Variants in HSD17B4 observed in about 807,000 individuals in gnomAD.
HSD17B4 encodes the protein hydroxysteroid 17-beta dehydrogenase 4.
HSD17B4 carries 70 observed loss-of-function variants against 101.0 expected under a neutral mutation model. That is an observed-to-expected ratio of 0.69 (90% CI 0.57 to 0.85). HSD17B4 has a LOEUF of 0.85. Among genes scored for constraint, HSD17B4 ranks in the 40% least tolerant of loss-of-function variants. The pLI, the probability that HSD17B4 is intolerant of heterozygous loss-of-function variation, is 0.00. For missense variants in HSD17B4, 984 were observed against 892.4 expected, an observed-to-expected ratio of 1.10 and a Z score of -1.31; for synonymous variants, 347 against 297.1, an observed-to-expected ratio of 1.17 and a Z score of -1.73.
intron 12 of HSD17B4, among the ~76,000 whole-genome samples, chr5:119,498,417 T>A (rs1750845692): frequency 6.6e-6 from 1 of 152,212 alleles, no homozygotes; most frequent in African/African-American, 2.4e-5. Context: ...TAGTCCTTGT[T>A]TGCCAACTTC....
chr5:119,463,455 C>T (rs182164638), intron 2 of HSD17B4, among the ~76,000 whole-genome samples: 1 of 150,250 alleles, frequency 6.7e-6, no homozygotes, highest in Non-Finnish European at 1.5e-5. Flanking sequence ...AATGGCTGTA[C>T]TAATTTACAT....
At chr5:119,494,325 T>TTTCTTTCTTTCTTTC (rs1554064680) in intron 11 of HSD17B4, among the ~76,000 whole-genome samples, 2 of 111,524 alleles carry the variant, frequency 1.8e-5, no homozygotes, top group Non-Finnish European at 3.7e-5. Context: ...TCTTTCTTTC[T>TTTCTTTCTTTCTTTC]TTTCTTTCTT....
chr5:119,479,471 C>T (rs943909144), intron 8 of HSD17B4, among the ~76,000 whole-genome samples: 37 of 152,184 alleles, frequency 2.4e-4, no homozygotes, highest in African/African-American at 8.7e-4. Context: ...CAGTATGGAG[C>T]CGTTATGATA....
intron 8 of HSD17B4, among the ~76,000 whole-genome samples, chr5:119,486,606 C>G (rs1013225576): frequency 2.0e-5 from 3 of 151,986 alleles, no homozygotes; most frequent in African/African-American, 4.8e-5. Context: ...TTTTAGGGCT[C>G]TAAGATTTAT....
At chr5:119,510,082 C>T (rs1248396979) in intron 16 of HSD17B4, among the ~76,000 whole-genome samples, 1 of 152,116 alleles carries the variant, frequency 6.6e-6, no homozygotes, top group African/African-American at 2.4e-5. Flanking sequence ...AGCATAGAGA[C>T]TTGGTAATAC....
At chr5:119,531,892 GTGTT>G (rs1754146698) in intron 22 of HSD17B4, among the ~76,000 whole-genome samples, 1 of 151,996 alleles carries the variant, frequency 6.6e-6, no homozygotes. Flanking sequence ...ATGGTCAAAG[GTGTT>G]TGTTTATCTA....
At chr5:119,540,991 T>C (rs915646398) in intron 23 of HSD17B4, among the ~76,000 whole-genome samples, 1 of 152,226 alleles carries the variant, frequency 6.6e-6, no homozygotes, top group Non-Finnish European at 1.5e-5. Context: ...ATGCTCAGTG[T>C]ATGTAGGTAT....
chr5:119,507,961 T>G (rs1361605563), intron 15 of HSD17B4, among the ~76,000 whole-genome samples: 1 of 152,054 alleles, frequency 6.6e-6, no homozygotes, highest in East Asian at 1.9e-4. Flanking sequence ...GGAATATAAG[T>G]TTATCATTTT....
intron 8 of HSD17B4, among the ~76,000 whole-genome samples, chr5:119,479,836 A>T (rs1467129413): frequency 2.6e-5 from 4 of 152,204 alleles, no homozygotes; most frequent in Middle Eastern, 6.8e-3. Flanking sequence ...ATAAGTTTTT[A>T]AGTCGTGTAA....
chr5:119,493,980 G>GT, intron 11 of HSD17B4, 34 bp downstream of exon 11: 1 of 1,609,966 alleles, frequency 6.2e-7, no homozygotes, highest in Non-Finnish European at 8.5e-7. Flanking sequence ...GCCCTGGTTG[G>GT]GGAATCAGAG....
chr5:119,513,661 A>G (rs1368517068), intron 16 of HSD17B4, among the ~76,000 whole-genome samples: 3 of 152,148 alleles, frequency 2.0e-5, no homozygotes, highest in Non-Finnish European at 4.4e-5. Context: ...TCTTTTTAAT[A>G]TTGGGCAATA....
chr5:119,530,194 A>G, intron 21 of HSD17B4: 1 of 534,464 alleles, frequency 1.9e-6, no homozygotes, highest in Non-Finnish European at 3.3e-6. Context: ...GGATACTAGG[A>G]TATCTTTCAA....
chr5:119,461,972 C>G (rs923933545), intron 2 of HSD17B4, among the ~76,000 whole-genome samples: 1 of 152,074 alleles, frequency 6.6e-6, no homozygotes, highest in Non-Finnish European at 1.5e-5. Flanking sequence ...TAGGAAAAAT[C>G]TTCTGTAGTT....
intron 8 of HSD17B4, among the ~76,000 whole-genome samples, chr5:119,480,199 G>A (rs1398538439): frequency 6.6e-6 from 1 of 151,818 alleles, no homozygotes; most frequent in Non-Finnish European, 1.5e-5. Flanking sequence ...TTGTTTTCTT[G>A]AATTTTAAGG....
chr5:119,467,083 G>T (rs1755887309), intron 2 of HSD17B4, among the ~76,000 whole-genome samples: 1 of 152,118 alleles, frequency 6.6e-6, no homozygotes, highest in Non-Finnish European at 1.5e-5. Context: ...TTTGTACTGT[G>T]TCCAAAGTTC....
At chr5:119,458,998 C>T (rs1754949841) in intron 2 of HSD17B4, among the ~76,000 whole-genome samples, 1 of 152,218 alleles carries the variant, frequency 6.6e-6, no homozygotes, top group Non-Finnish European at 1.5e-5. Flanking sequence ...AAAGGGAGTT[C>T]TACTCTTGAA....
intron 17 of HSD17B4, among the ~76,000 whole-genome samples, chr5:119,522,278 T>C (rs1753186024): frequency 1.3e-5 from 2 of 152,252 alleles, no homozygotes; most frequent in Admixed American, 1.3e-4. Context: ...TCCTTTTTTA[T>C]GACTGCATAG....
chr5:119,518,409 C>T (rs778707726), intron 17 of HSD17B4, among the ~76,000 whole-genome samples: 8 of 152,202 alleles, frequency 5.3e-5, no homozygotes, highest in East Asian at 3.9e-4. Context: ...TGAGGGTCCG[C>T]GGCTTCATTC....
Position 119,499,452 on chromosome 5 carries a change from G to T in HSD17B4, c.1108G>T (p.Asp370Tyr). 6.2e-7 allele frequency: 1 copy of T among 1,613,726 alleles called. No individual in the cohort carries two copies. The highest frequency in any genetic ancestry group is 1.1e-5 in the South Asian group (1 of 91,076). Residue 370 changes from aspartate (D) to tyrosine (Y), a missense_variant, in exon 13 of 24, where the codon GAT becomes TAT. Transcript: ENST00000510025. Reference sequence around the variant, plus strand: ...GAAATTTATTTATGAAGGAAGTTCTGATTTCTCCTGTTTGCCCACCTTCGG... The same window carrying T: ...GAAATTTATTTATGAAGGAAGTTCTTATTTCTCCTGTTTGCCCACCTTCGG... ...DLKFIYEGSS[D>Y]FSCLPTFGVI...
Sources: allele counts gnomAD v4.1 joint callset (sites outside exome capture counted in the v4.1 genomes callset), GRCh38; gene constraint gnomAD v4.1.1; transcripts MANE v1.5; gene names NCBI Gene and HGNC (gene_info 2026-07-23, HGNC 2026-07-21).